EPHB2: variants seen among roughly 807,000 people sequenced by gnomAD.
EPHB2 encodes EPH receptor B2, also known as ephrin type-B receptor 2.
In EPHB2, 18 loss-of-function variants were observed where a neutral mutation model predicts 96.4. That is an observed-to-expected ratio of 0.19 (90% CI 0.13 to 0.28). EPHB2 has a LOEUF of 0.28. Ranked by LOEUF, EPHB2 falls within the 10% of genes least tolerant of loss-of-function variation. The pLI is 1.00. For missense variants in EPHB2, 989 were observed against 1,355.4 expected (o/e 0.73, Z 4.25); for synonymous variants, 506 against 534.1 (o/e 0.95, Z 0.72).
chr1:22,801,475 G>A (rs1382207545), intron 3 of EPHB2, among the ~76,000 whole-genome samples: 2 of 151,968 alleles, frequency 1.3e-5, no homozygotes, highest in Non-Finnish European at 2.9e-5. Flanking sequence ...GGGCTTTGTC[G>A]AACTTCACCG....
intron 6 of EPHB2, among the ~76,000 whole-genome samples, chr1:22,889,145 A>G (rs1220454640): frequency 6.6e-6 from 1 of 152,142 alleles, no homozygotes; most frequent in Non-Finnish European, 1.5e-5. Flanking sequence ...ACAGAGCAAC[A>G]CCCTGTCTCA....
At chr1:22,815,476 A>G (rs2148466961) in intron 3 of EPHB2, among the ~76,000 whole-genome samples, 1 of 152,350 alleles carries the variant, frequency 6.6e-6, no homozygotes, top group Middle Eastern at 3.4e-3. Context: ...CCAGGCCACC[A>G]TGAAGCTTCT....
intron 1 of EPHB2, among the ~76,000 whole-genome samples, chr1:22,711,908 G>A (rs1038850445): frequency 7.9e-5 from 12 of 152,246 alleles, no homozygotes; most frequent in African/African-American, 2.9e-4. Flanking sequence ...GGTCTCCCGA[G>A]CCAGCTTGCT....
intron 3 of EPHB2, among the ~76,000 whole-genome samples, chr1:22,796,285 G>T (rs143531407): frequency 2.0e-5 from 3 of 151,954 alleles, no homozygotes; most frequent in African/African-American, 7.3e-5. Context: ...CCCATGGCTG[G>T]GGGGCCAGGG....
Position 22,908,184 on chromosome 1 carries a change from G to A in EPHB2, c.2352+16G>A, listed in dbSNP as rs1473626740. 6.2e-7 allele frequency: 1 copy of A among 1,614,088 alleles called. No individual in the cohort carries two copies. Among genetic ancestry groups the A allele is most frequent in the Non-Finnish European group, 8.5e-7 (1 of 1,179,938 alleles). Reference sequence around the variant, plus strand: ...CAGTGCCCTGGTAAGATGGAGGCAGGGAACACCGGAGTCACAGAGCCAGAG... The same window carrying A: ...CAGTGCCCTGGTAAGATGGAGGCAGAGAACACCGGAGTCACAGAGCCAGAG... On this transcript the variant is annotated intron_variant, in intron 12 of 15. Transcript: ENST00000374630.
chr1:22,853,265 A>G (rs1208985257), intron 3 of EPHB2, among the ~76,000 whole-genome samples: 1 of 152,222 alleles, frequency 6.6e-6, no homozygotes, highest in Non-Finnish European at 1.5e-5. Context: ...AGCCAGGAGA[A>G]TGGCGTGAAC....
At chr1:22,909,249 G>C in intron 13 of EPHB2, 78 bp downstream of exon 13, 1 of 1,607,826 alleles carries the variant, frequency 6.2e-7, no homozygotes, top group Non-Finnish European at 8.5e-7. Context: ...CTGGCCTTGT[G>C]CCAGTCTCCC....
intron 5 of EPHB2, among the ~76,000 whole-genome samples, chr1:22,880,068 G>A (rs1346838440): frequency 2.0e-5 from 3 of 151,968 alleles, no homozygotes; most frequent in Admixed American, 1.3e-4. Context: ...GTCAAGGGCT[G>A]CAGAGGAAGG....
chr1:22,713,342 C>A (rs149207006), intron 1 of EPHB2, among the ~76,000 whole-genome samples: 124 of 152,320 alleles, frequency 8.1e-4, no homozygotes, highest in African/African-American at 2.9e-3. Context: ...GGTCCCTTCC[C>A]TGTGGGGGCC....
In EPHB2 at chr1:22,790,479, G is replaced by T. The variant is rs1426151025; in HGVS notation, c.811+5403G>T. Among the ~76,000 whole-genome samples the T allele has an allele frequency of 1.3e-5, 2 of 152,102 alleles. No homozygotes were observed. The highest frequency in any genetic ancestry group is 2.9e-5 in the Non-Finnish European group (2 of 68,020). ...CTGGAATGCCTTCTTTGCAGCAGCT[G>T]CCCGCACCCAAGTCTGTTTCTCTGA... On this transcript the variant is annotated intron_variant, in intron 3 of 15. Transcript: ENST00000374630. This position sits in a 1 kb window ranked among gnomAD's most constrained non-coding sequence, Gnocchi z 4.0.
At position 22,857,928 on chromosome 1, in the gene EPHB2, C is replaced by T. The variant is rs375095994; in HGVS notation, c.812-5109C>T. 1.2e-4 allele frequency among the ~76,000 whole-genome samples: 19 copies of T among 152,224 alleles called. No homozygotes were observed. In the East Asian group the frequency reaches 2.1e-3, roughly 17 times the overall value. ...CTCCCCTTTCCAGGTACTTTCAGTG[C>T]ATGAAAAAACACAACACACAAGTTT... On this transcript the variant is annotated intron_variant, in intron 3 of 15. Coordinates refer to ENST00000374630, the MANE Select transcript of EPHB2 (RefSeq NM_017449.5).
chr1:22,742,252 T>C (rs1643913228), intron 1 of EPHB2, among the ~76,000 whole-genome samples: 1 of 152,118 alleles, frequency 6.6e-6, no homozygotes, highest in Non-Finnish European at 1.5e-5. Flanking sequence ...CTGGCTGATG[T>C]AGAAGGATGC....
At chr1:22,823,806 C>T (rs571311606) in intron 3 of EPHB2, among the ~76,000 whole-genome samples, 1 of 152,358 alleles carries the variant, frequency 6.6e-6, no homozygotes, top group East Asian at 1.9e-4. Context: ...CAGCACCTAG[C>T]ATAGTGCCTG....
chr1:22,736,129 G>A (rs1643822374), intron 1 of EPHB2, among the ~76,000 whole-genome samples: 1 of 152,188 alleles, frequency 6.6e-6, no homozygotes, highest in African/African-American at 2.4e-5. Flanking sequence ...TGATCGTAGT[G>A]GTCATCGTTG....
rs537552424 is a variant in EPHB2, at chr1:22,721,495, G to A, written c.61+10452G>A. Reference sequence around the variant, plus strand: ...ACTTGACTGTTGGAAGTATAATAGTGCCCCCAGTAAGAGCGCATGTCCAGT... The same window carrying A: ...ACTTGACTGTTGGAAGTATAATAGTACCCCCAGTAAGAGCGCATGTCCAGT... On this transcript the variant is annotated intron_variant, in intron 1 of 15. Coordinates refer to ENST00000374630, the MANE Select transcript of EPHB2 (RefSeq NM_017449.5). Among the ~76,000 whole-genome samples the A allele has an allele frequency of 2.0e-5, 3 of 152,244 alleles. No homozygotes were observed. The East Asian group carries it at 5.8e-4, about 29-fold the overall frequency.
chr1:22,783,809 A>G (rs370711175), intron 2 of EPHB2, among the ~76,000 whole-genome samples: 14 of 152,242 alleles, frequency 9.2e-5, no homozygotes, highest in African/African-American at 3.4e-4. Flanking sequence ...GCCTCCCTCC[A>G]GGTACCCAAG....
Position 22,892,869 on chromosome 1 carries a change from T to C in EPHB2, c.1429-15T>C. The C allele has an allele frequency of 1.2e-6, 2 of 1,614,180 alleles. No homozygotes were observed. The highest frequency in any genetic ancestry group is 1.7e-6 in the Non-Finnish European group (2 of 1,180,034). ...AGCCACAACCTCACTAATTTTCTTC[T>C]CTGTTCCTCGGCAGGAGCTCAGTGA... is the stretch of plus-strand genomic sequence containing the variant. On this transcript the variant is annotated splice_polypyrimidine_tract_variant and intron_variant, in intron 6 of 15. Coordinates refer to ENST00000374630, the MANE Select transcript of EPHB2 (RefSeq NM_017449.5).
At chr1:22,771,289 G>T (rs775193056) in intron 1 of EPHB2, among the ~76,000 whole-genome samples, 3 of 152,200 alleles carry the variant, frequency 2.0e-5, no homozygotes, top group Non-Finnish European at 4.4e-5. Context: ...GACTCTGGGA[G>T]CCCCAGCACC....
intron 9 of EPHB2, among the ~76,000 whole-genome samples, chr1:22,897,571 T>C (rs1639608044): frequency 6.6e-6 from 1 of 151,844 alleles, no homozygotes. Context: ...GCAGATCACT[T>C]GAGGCCAGGA....
Sources: gnomAD v4.1 joint callset for allele counts (sites outside exome capture counted in the v4.1 genomes callset) on GRCh38, gnomAD v4.1.1 for gene constraint, Gnocchi (gnomAD v3.1) non-coding constraint, MANE v1.5 for transcripts, NCBI Gene and HGNC (gene_info 2026-07-23, HGNC 2026-07-21) for gene names.